The following FSTL4 variants were observed in gnomAD, a reference collection of about 807,000 sequenced individuals.
FSTL4 encodes the protein follistatin like 4.
In FSTL4, 28 loss-of-function variants were observed where a neutral mutation model predicts 78.2. The observed-to-expected ratio is 0.36, with a 90% CI of 0.27 to 0.49. FSTL4 has a LOEUF of 0.49. FSTL4 is among the 20% of genes least tolerant of loss of function. The pLI, the probability that FSTL4 is intolerant of heterozygous loss-of-function variation, is 0.98. For missense variants in FSTL4, 922 were observed against 1,084.9 expected (o/e 0.85, Z 2.11); for synonymous variants, 422 against 440.5 (o/e 0.96, Z 0.53).
At chr5:133,685,474 A>T in the FSTL4 span, among the ~76,000 whole-genome samples, 1 of 152,224 alleles carries the variant, frequency 6.6e-6, no homozygotes, top group African/African-American at 2.4e-5. Context: ...AGAGAGGAAA[A>T]CACCCAGATG....
At chr5:133,287,688 T>C (rs79586308) in intron 6 of FSTL4, among the ~76,000 whole-genome samples, 4,586 of 152,270 alleles carry the variant, frequency 0.03, 90 homozygotes, top group Non-Finnish European at 0.048. Context: ...GACACTGTGG[T>C]CCCCACTGCC....
the FSTL4 span, among the ~76,000 whole-genome samples, chr5:133,765,379 T>A: frequency 6.6e-6 from 1 of 152,246 alleles, no homozygotes; most frequent in Non-Finnish European, 1.5e-5. Flanking sequence ...ACAGACAGGA[T>A]GTCCGGGGAC....
chr5:133,410,256 G>C (rs1756451894), intron 3 of FSTL4, among the ~76,000 whole-genome samples: 1 of 151,952 alleles, frequency 6.6e-6, no homozygotes, highest in African/African-American at 2.4e-5. Context: ...CCTTTTCTTT[G>C]CCTAAAGCCT....
chr5:133,704,551 G>C, the FSTL4 span, among the ~76,000 whole-genome samples: 1 of 152,212 alleles, frequency 6.6e-6, no homozygotes, highest in South Asian at 2.1e-4. Flanking sequence ...CAAAGGCACC[G>C]GGTTGCCATT....
chr5:133,449,832 A>T (rs920510074), intron 3 of FSTL4, among the ~76,000 whole-genome samples: 20 of 152,128 alleles, frequency 1.3e-4, no homozygotes, highest in Admixed American at 5.2e-4. Flanking sequence ...GAAATTTTTT[A>T]AAAAAATGAA....
intron 4 of FSTL4, among the ~76,000 whole-genome samples, chr5:133,351,094 G>A (rs888742867): frequency 2.6e-5 from 4 of 152,122 alleles, no homozygotes; most frequent in African/African-American, 9.7e-5. Flanking sequence ...GAGGGAAAGC[G>A]GCACAGATGT....
the FSTL4 span, among the ~76,000 whole-genome samples, chr5:133,705,417 C>T: frequency 6.6e-6 from 1 of 152,174 alleles, no homozygotes; most frequent in Non-Finnish European, 1.5e-5. Context: ...ACAGAGGCTG[C>T]CTGCAGGCTC....
intron 3 of FSTL4, among the ~76,000 whole-genome samples, chr5:133,501,293 A>T (rs549977883): frequency 6.6e-6 from 1 of 152,232 alleles, no homozygotes; most frequent in East Asian, 1.9e-4. Flanking sequence ...AAAAAGCAAA[A>T]GCAAACTTTC....
the FSTL4 span, among the ~76,000 whole-genome samples, chr5:133,695,798 A>G: frequency 6.6e-6 from 1 of 152,158 alleles, no homozygotes; most frequent in East Asian, 1.9e-4. Context: ...AGGAGTATGT[A>G]AGAATGTGGG....
chr5:133,372,928 T>C (rs1040882233), intron 4 of FSTL4, among the ~76,000 whole-genome samples: 1 of 152,262 alleles, frequency 6.6e-6, no homozygotes, highest in Non-Finnish European at 1.5e-5. Flanking sequence ...CTCCCACCTG[T>C]GAGAACATCA....
chr5:133,280,059 T>C (rs1190099216), intron 6 of FSTL4, among the ~76,000 whole-genome samples: 1 of 152,244 alleles, frequency 6.6e-6, no homozygotes, highest in African/African-American at 2.4e-5. Context: ...CCTTGATTTC[T>C]GGCTTCTGGT....
the FSTL4 span, among the ~76,000 whole-genome samples, chr5:133,727,377 G>A: frequency 6.6e-6 from 1 of 152,130 alleles, no homozygotes; most frequent in African/African-American, 2.4e-5. Flanking sequence ...TGTTGAAGCT[G>A]TCATTCTTGC....
intron 2 of FSTL4, among the ~76,000 whole-genome samples, chr5:133,569,725 A>G (rs1032299840): frequency 6.6e-6 from 1 of 152,240 alleles, no homozygotes; most frequent in Admixed American, 6.5e-5. Flanking sequence ...TGACTTACAT[A>G]GTAGATCTCA....
At chr5:133,499,489 G>T (rs748288721) in intron 3 of FSTL4, among the ~76,000 whole-genome samples, 5 of 151,988 alleles carry the variant, frequency 3.3e-5, no homozygotes, top group African/African-American at 9.7e-5. Context: ...AGGGTGGCGC[G>T]TCTAGTATCA....
chr5:133,477,973 G>A (rs74985342), intron 3 of FSTL4, among the ~76,000 whole-genome samples: 4,114 of 152,226 alleles, frequency 0.027, 170 homozygotes, highest in African/African-American at 0.093. Flanking sequence ...CTTTGACAGC[G>A]ATGACATCTG....
intron 13 of FSTL4, among the ~76,000 whole-genome samples, chr5:133,215,338 G>A (rs1750872196): frequency 6.6e-6 from 1 of 152,098 alleles, no homozygotes; most frequent in Non-Finnish European, 1.5e-5. Flanking sequence ...ATTTCATCCA[G>A]TTTCCTGGAT....
At chr5:133,313,293 T>C (rs1232481323) in intron 5 of FSTL4, among the ~76,000 whole-genome samples, 4 of 152,064 alleles carry the variant, frequency 2.6e-5, no homozygotes, top group Non-Finnish European at 4.4e-5. Context: ...CACAGCACAC[T>C]CCCAGACCCC....
the FSTL4 span, among the ~76,000 whole-genome samples, chr5:133,627,466 G>T: frequency 1.3e-5 from 2 of 152,126 alleles, no homozygotes; most frequent in Non-Finnish European, 1.5e-5. Flanking sequence ...CTCTCACTGG[G>T]TCCTCCCATG....
At chr5:133,810,924 T>C in the FSTL4 span, among the ~76,000 whole-genome samples, 2 of 152,228 alleles carry the variant, frequency 1.3e-5, no homozygotes, top group African/African-American at 4.8e-5. Context: ...CCAGCTTGCT[T>C]GTCTATGCTT....
Sources: allele counts gnomAD v4.1 joint callset (sites outside exome capture counted in the v4.1 genomes callset), GRCh38; gene constraint gnomAD v4.1.1; transcripts MANE v1.5; gene names NCBI Gene and HGNC (gene_info 2026-07-23, HGNC 2026-07-21).